Variants in NUDT7 observed in about 807,000 individuals in gnomAD.
NUDT7 encodes peroxisomal coenzyme A diphosphatase NUDT7.
NUDT7 carries 19 observed loss-of-function variants against 13.1 expected under a neutral mutation model. The ratio of observed to expected loss-of-function variants is 1.45; its 90% CI spans 1.01 to 2.13. The LOEUF (loss-of-function observed/expected upper bound fraction) is 2.13, where lower values mean the gene tolerates loss of function less well. NUDT7 is among the 30% of genes most tolerant of loss of function. The probability of loss-of-function intolerance (pLI) is 0.00; values close to 1 mark genes in which losing one functional copy is unlikely to be tolerated. For synonymous variants in NUDT7, 132 were observed against 109.7 expected, an observed-to-expected ratio of 1.20 and a Z score of -1.27; for missense variants, 360 against 291.7, an observed-to-expected ratio of 1.23 and a Z score of -1.71.
chr16:77,730,302 T>C (rs1295612291), intron 2 of NUDT7, among the ~76,000 whole-genome samples: 1 of 152,180 alleles, frequency 6.6e-6, no homozygotes, highest in Non-Finnish European at 1.5e-5. Flanking sequence ...CCTCAGCAGC[T>C]AGTAACCACC....
In NUDT7 at chr16:77,741,950, AT is replaced by A; in HGVS notation, c.*3del. The A allele has an allele frequency of 6.3e-7, 1 of 1,584,064 alleles. No individual in the cohort carries two copies. Among genetic ancestry groups the A allele is most frequent in the Non-Finnish European group, 8.6e-7 (1 of 1,166,692 alleles). ...ATAAAAAAGCTACAAGCAGGTTATG[AT>A]TTACTAGAGCAAGAGACAAAGAACT... On this transcript the variant is annotated 3_prime_UTR_variant, in exon 4 of 4. Coordinates refer to ENST00000268533, the MANE Select transcript of NUDT7 (RefSeq NM_001105663.3).
At chr16:77,722,732 C>T in intron 1 of NUDT7, 115 bp downstream of exon 1, 1 of 966,354 alleles carries the variant, frequency 1.0e-6, no homozygotes, top group South Asian at 1.4e-5. Context: ...GCCAGTCCAC[C>T]TGCGAGCGCC....
At chr16:77,734,676 C>G (rs941606610) in intron 2 of NUDT7, among the ~76,000 whole-genome samples, 4 of 152,156 alleles carry the variant, frequency 2.6e-5, no homozygotes, top group African/African-American at 9.6e-5. Flanking sequence ...AGTGGATAAA[C>G]AAACTGTGAT....
intron 1 of NUDT7, among the ~76,000 whole-genome samples, chr16:77,723,355 C>T (rs2014024733): frequency 6.6e-6 from 1 of 152,102 alleles, no homozygotes; most frequent in African/African-American, 2.4e-5. Context: ...AAATACACTG[C>T]CGTTACCCAA....
In NUDT7 at chr16:77,726,745, C is replaced by T. The variant is rs150066529; in HGVS notation, c.189+1161C>T. Among the ~76,000 whole-genome samples, 286 of 152,078 alleles carry T rather than the reference C, an allele frequency of 1.9e-3. 1 individual carries two copies. The highest frequency in any genetic ancestry group is 6.5e-3 in the African/African-American group (271 of 41,472). On this transcript the variant is annotated intron_variant, in intron 2 of 3. Coordinates refer to ENST00000268533, the MANE Select transcript of NUDT7 (RefSeq NM_001105663.3). ...CCAGGAGGCGGAGGTTGCAGTGAGC[C>T]GAGATTGTGCCACTGCGCTCCAGCC...
intron 2 of NUDT7, among the ~76,000 whole-genome samples, chr16:77,734,515 C>T (rs1470910418): frequency 1.3e-5 from 2 of 152,028 alleles, no homozygotes; most frequent in African/African-American, 2.4e-5. Flanking sequence ...CCCAGCTACT[C>T]AGGAAGCTGA....
Position 77,741,718 on chromosome 16 carries a change from A to G in NUDT7, c.485A>G (p.Tyr162Cys). 4.3e-6 allele frequency: 7 copies of G among 1,614,154 alleles called. No homozygotes were observed. The highest frequency in any genetic ancestry group is 5.9e-6 in the Non-Finnish European group (7 of 1,180,024). ...CATCCACAGGTCCATGACCAGCATTACGTCACACGTCTTGGTCACCGTTTT... is the reference window on the plus strand; with the variant it reads ...CATCCACAGGTCCATGACCAGCATTGCGTCACACGTCTTGGTCACCGTTTT... ...FLHPQVHDQHYVTRLGHRFIN... is the reference protein window; with the variant it reads ...FLHPQVHDQHCVTRLGHRFIN... Residue 162 changes from tyrosine to cysteine, a missense_variant, in exon 4 of 4, where the codon TAC (tyrosine) becomes TGC (cysteine). Coordinates refer to ENST00000268533, the MANE Select transcript of NUDT7 (RefSeq NM_001105663.3).
At chr16:77,722,766 G>T in intron 1 of NUDT7, 149 bp downstream of exon 1, 1 of 722,140 alleles carries the variant, frequency 1.4e-6, no homozygotes, top group Admixed American at 2.1e-5. Context: ...CTCGCCTCCA[G>T]CAACCCGCAG....
chr16:77,728,271 C>T (rs947089112), intron 2 of NUDT7, among the ~76,000 whole-genome samples: 16 of 152,264 alleles, frequency 1.1e-4, no homozygotes, highest in African/African-American at 3.4e-4. Context: ...CTCGCTCTGT[C>T]GCCCAGGCTG....
intron 2 of NUDT7, among the ~76,000 whole-genome samples, chr16:77,727,258 G>A (rs2014166768): frequency 6.6e-6 from 1 of 152,120 alleles, no homozygotes; most frequent in African/African-American, 2.4e-5. Context: ...TGGTGAAGCA[G>A]TCATTTTAAG....
chr16:77,725,518 C>T lies in NUDT7; in HGVS notation c.123C>T (p.Ser41=), dbSNP rs145759312. The T allele has an allele frequency of 9.5e-5, 153 of 1,614,020 alleles. 1 individual carries two copies. The highest frequency in any genetic ancestry group is 7.9e-4 in the African/African-American group (59 of 75,030). The change falls in exon 2 of 4, where the codon TCC becomes TCT. Residue 41 remains serine (S), a synonymous_variant. Coordinates refer to ENST00000268533, the MANE Select transcript of NUDT7 (RefSeq NM_001105663.3). The part of the protein sequence containing the change: ...KYSHLPYNKY[S]VLLPLVAKEG... ...CTCACTTGCCATATAACAAATACTC[C>T]GTCCTTTTGCCATTGGTGGCTAAAG...
intron 2 of NUDT7, among the ~76,000 whole-genome samples, chr16:77,731,771 C>G (rs1406722265): frequency 1.3e-5 from 2 of 151,538 alleles, no homozygotes; most frequent in African/African-American, 4.9e-5. Flanking sequence ...TCCAGTGGGA[C>G]AAGAGGTAGA....
chr16:77,723,297 A>G (rs532736306), intron 1 of NUDT7, among the ~76,000 whole-genome samples: 361 of 152,280 alleles, frequency 2.4e-3, no homozygotes, highest in Middle Eastern at 6.8e-3. Context: ...GCACTGTGCA[A>G]TCCCTGTGCC....
Position 77,738,279 on chromosome 16 carries a change from T to G in NUDT7, c.348+2293T>G, listed in dbSNP as rs76203998. On this transcript the variant is annotated intron_variant, in intron 3 of 3. Transcript: ENST00000268533. ...TCCCCAGGTGCTACTGAGTTCTGCATGTGGGTGGATAGAATTCAGGAGCAT... is the reference window on the plus strand; with the variant it reads ...TCCCCAGGTGCTACTGAGTTCTGCAGGTGGGTGGATAGAATTCAGGAGCAT... Among the ~76,000 whole-genome samples, 401 of 152,252 alleles carry G rather than the reference T, an allele frequency of 2.6e-3. 3 individuals carry two copies. Among genetic ancestry groups the G allele is most frequent in the African/African-American group, 9.2e-3 (383 of 41,556 alleles).
intron 2 of NUDT7, among the ~76,000 whole-genome samples, chr16:77,728,015 TC>T (rs1456565580): frequency 1.3e-5 from 2 of 152,258 alleles, no homozygotes; most frequent in African/African-American, 4.8e-5. Context: ...ATTATTAAGG[TC>T]ACTTTTTAAA....
intron 2 of NUDT7, among the ~76,000 whole-genome samples, chr16:77,727,077 G>A (rs555827981): frequency 3.5e-4 from 54 of 152,202 alleles, no homozygotes; most frequent in Middle Eastern, 6.8e-3. Context: ...TAAACCATGC[G>A]TGAGAAATCT....
intron 1 of NUDT7, among the ~76,000 whole-genome samples, chr16:77,723,918 G>T (rs2014046671): frequency 6.6e-6 from 1 of 152,092 alleles, no homozygotes. Context: ...AGCCAATTCT[G>T]GGTATCTTAA....
At chr16:77,725,206 C>T (rs1307359111) in intron 1 of NUDT7, among the ~76,000 whole-genome samples, 2 of 152,132 alleles carry the variant, frequency 1.3e-5, no homozygotes, top group African/African-American at 2.4e-5. Context: ...CAAAGAGAAC[C>T]TGTGTACTAA....
intron 2 of NUDT7, among the ~76,000 whole-genome samples, chr16:77,732,083 T>C (rs2014335287): frequency 6.6e-6 from 1 of 152,062 alleles, no homozygotes; most frequent in Non-Finnish European, 1.5e-5. Flanking sequence ...TCCCAGCACT[T>C]TGGGAGGCCA....
Sources: gnomAD v4.1 joint callset for allele counts (sites outside exome capture counted in the v4.1 genomes callset) on GRCh38, gnomAD v4.1.1 for gene constraint, MANE v1.5 for transcripts, NCBI Gene and HGNC (gene_info 2026-07-23, HGNC 2026-07-21) for gene names.